Variants in RAP1GDS1 observed in about 807,000 individuals in gnomAD.
RAP1GDS1 encodes the protein RAP1, GTP-GDP dissociation stimulator 1.
RAP1GDS1 carries 35 observed loss-of-function variants against 71.1 expected under a neutral mutation model. The observed-to-expected ratio is 0.49, with a 90% CI of 0.38 to 0.65. The LOEUF (loss-of-function observed/expected upper bound fraction) is 0.65, where lower values mean the gene tolerates loss of function less well. Among genes scored for constraint, RAP1GDS1 ranks in the 30% least tolerant of loss-of-function variants. RAP1GDS1 has a pLI of 0.00. For missense variants in RAP1GDS1, 663 were observed against 706.1 expected (o/e 0.94, Z 0.69); for synonymous variants, 229 against 243.1 (o/e 0.94, Z 0.54).
In RAP1GDS1 at chr4:98,397,502, GAAC is replaced by G. The variant is rs547196166; in HGVS notation, c.637+5426_637+5428del. On this transcript the variant is annotated intron_variant, in intron 6 of 14. Transcript: ENST00000408927. ...CTAAAAACAAAAAGCAAACAAATAA[GAAC>G]AACCTCAAGGGAAGGGAATAAAAAA... is the stretch of plus-strand genomic sequence containing the variant. Among the ~76,000 whole-genome samples the G allele has an allele frequency of 7.9e-5, 12 of 152,116 alleles. No individual in the cohort carries two copies. In the East Asian group the frequency reaches 2.3e-3, roughly 29 times the overall value.
chr4:98,433,246 C>G (rs986278048), intron 12 of RAP1GDS1, among the ~76,000 whole-genome samples: 3 of 151,944 alleles, frequency 2.0e-5, no homozygotes, highest in African/African-American at 7.3e-5. Context: ...AAAGCTTTAC[C>G]TGGAACATCT....
chr4:98,349,328 C>G (rs529433613), intron 3 of RAP1GDS1, among the ~76,000 whole-genome samples: 6 of 152,226 alleles, frequency 3.9e-5, no homozygotes, highest in African/African-American at 1.4e-4. Context: ...TGGTCTAGCT[C>G]TCTGTTTTGG....
At chr4:98,413,739 A>G (rs1747464939) in intron 7 of RAP1GDS1, among the ~76,000 whole-genome samples, 2 of 152,176 alleles carry the variant, frequency 1.3e-5, no homozygotes, top group African/African-American at 4.8e-5. Flanking sequence ...ATACCCAGTA[A>G]TGGGATGGCT....
At chr4:98,312,616 ATCC>A (rs1263254627) in intron 2 of RAP1GDS1, among the ~76,000 whole-genome samples, 4 of 152,088 alleles carry the variant, frequency 2.6e-5, no homozygotes, top group African/African-American at 7.2e-5. Flanking sequence ...GGCTAAGATG[ATCC>A]TCTTTTCTAG....
intron 12 of RAP1GDS1, among the ~76,000 whole-genome samples, chr4:98,422,932 A>C (rs1749094945): frequency 6.6e-6 from 1 of 152,226 alleles, no homozygotes; most frequent in East Asian, 1.9e-4. Flanking sequence ...AGAGAATAGC[A>C]AAATGGCTTC....
Position 98,442,788 on chromosome 4 carries a change from T to C in RAP1GDS1, c.*671T>C, listed in dbSNP as rs1752032024. ...ATCAATAGCCTGATATTGAAAAACA[T>C]TTGTAGTTTTCAGTGTGAAACTAAG... On this transcript the variant is annotated 3_prime_UTR_variant, in exon 15 of 15. Transcript: ENST00000408927. 8.7e-6 allele frequency: 2 copies of C among 229,294 alleles called. No individual in the cohort carries two copies. Among genetic ancestry groups the C allele is most frequent in the African/African-American group, 2.2e-5 (1 of 45,154 alleles). The allele number at this position is 229,294 out of a possible 1,614,324, so 14.2% of individuals were successfully genotyped here.
chr4:98,432,558 G>A (rs777299906), intron 12 of RAP1GDS1, among the ~76,000 whole-genome samples: 4 of 152,148 alleles, frequency 2.6e-5, no homozygotes, highest in Non-Finnish European at 4.4e-5. Flanking sequence ...ACTCTATTTA[G>A]CAAGTTTGAT....
chr4:98,328,015 C>A (rs933082791), intron 2 of RAP1GDS1, among the ~76,000 whole-genome samples: 4 of 152,112 alleles, frequency 2.6e-5, no homozygotes, highest in South Asian at 2.1e-4. Flanking sequence ...TCCCAGTTTG[C>A]ATAATGGTTT....
intron 2 of RAP1GDS1, among the ~76,000 whole-genome samples, chr4:98,308,528 AT>A (rs201541932): frequency 0.066 from 9,907 of 151,238 alleles, 367 homozygotes; most frequent in Admixed American, 0.13. Context: ...TAAACCACAA[AT>A]TTTTTGCCGA....
chr4:98,268,117 G>A (rs1191158261), intron 1 of RAP1GDS1, among the ~76,000 whole-genome samples: 2 of 152,032 alleles, frequency 1.3e-5, no homozygotes, highest in Admixed American at 6.5e-5. Flanking sequence ...AGGATCATAC[G>A]TCATGATCAA....
At chr4:98,337,258 T>G (rs1377001148) in intron 2 of RAP1GDS1, among the ~76,000 whole-genome samples, 1 of 152,218 alleles carries the variant, frequency 6.6e-6, no homozygotes. Flanking sequence ...ATTTAATCAC[T>G]GCCTCAGTTT....
intron 2 of RAP1GDS1, among the ~76,000 whole-genome samples, chr4:98,304,158 C>T (rs900089286): frequency 3.3e-5 from 5 of 152,114 alleles, no homozygotes; most frequent in Non-Finnish European, 7.4e-5. Flanking sequence ...AGTGAATGTA[C>T]ACGTGCATGT....
In RAP1GDS1 at chr4:98,359,394, T is replaced by C. The variant is rs983094778; in HGVS notation, c.361+6793T>C. Reference sequence around the variant, plus strand: ...TAGAGAATAAAAGACAGAAGATAAATGAAAGTATAAAAAAACCTTTAAGTA... The same window carrying C: ...TAGAGAATAAAAGACAGAAGATAAACGAAAGTATAAAAAAACCTTTAAGTA... On this transcript the variant is annotated intron_variant, in intron 4 of 14. Transcript: ENST00000408927. Among the ~76,000 whole-genome samples the C allele has an allele frequency of 2.0e-5, 3 of 151,942 alleles. No homozygotes were observed. The East Asian group carries it at 5.8e-4, about 29-fold the overall frequency.
chr4:98,311,818 T>G (rs1275593814), intron 2 of RAP1GDS1, among the ~76,000 whole-genome samples: 2 of 152,196 alleles, frequency 1.3e-5, no homozygotes, highest in African/African-American at 4.8e-5. Flanking sequence ...TTTTTACTTT[T>G]TGTATACATG....
Position 98,442,004 on chromosome 4 carries a change from G to A in RAP1GDS1, c.1711G>A (p.Glu571Lys). 6.2e-7 allele frequency: 1 copy of A among 1,613,874 alleles called. No individual in the cohort carries two copies. The highest frequency in any genetic ancestry group is 8.5e-7 in the Non-Finnish European group (1 of 1,179,958). ...TTGTCTTCCAGAATGTCTACACAAG[G>A]AAGTACAGGATTTGGCTTTTCTAGA... is the stretch of plus-strand genomic sequence containing the variant. ...ALMGSECLHK[E>K]VQDLAFLDVV... The change falls in exon 15 of 15, where the codon GAA becomes AAA. Residue 571 changes from glutamate to lysine, a missense_variant. Transcript: ENST00000408927.
At chr4:98,290,330 T>C (rs1726740587) in intron 1 of RAP1GDS1, among the ~76,000 whole-genome samples, 1 of 152,118 alleles carries the variant, frequency 6.6e-6, no homozygotes, top group South Asian at 2.1e-4. Context: ...AACATGACAC[T>C]GTCTTGAGAT....
chr4:98,395,325 A>C (rs185000380), intron 6 of RAP1GDS1, among the ~76,000 whole-genome samples: 28 of 152,310 alleles, frequency 1.8e-4, no homozygotes, highest in Non-Finnish European at 2.1e-4. Flanking sequence ...ATTTTAATGG[A>C]TATGTCAGAA....
chr4:98,274,392 T>TTCACTG (rs1723916079), intron 1 of RAP1GDS1, among the ~76,000 whole-genome samples: 1 of 152,180 alleles, frequency 6.6e-6, no homozygotes, highest in Non-Finnish European at 1.5e-5. Flanking sequence ...ATAAATGAAG[T>TTCACTG]TCACTGGTGA....
chr4:98,358,920 C>G (rs545903102), intron 4 of RAP1GDS1, among the ~76,000 whole-genome samples: 1 of 151,620 alleles, frequency 6.6e-6, no homozygotes, highest in Non-Finnish European at 1.5e-5. Context: ...TCTTGTGAGC[C>G]TCTAATTACT....
Sources: allele counts gnomAD v4.1 joint callset (sites outside exome capture counted in the v4.1 genomes callset), GRCh38; gene constraint gnomAD v4.1.1; transcripts MANE v1.5; gene names NCBI Gene and HGNC (gene_info 2026-07-23, HGNC 2026-07-21).